The following ARHGAP24 variants were observed in gnomAD, a reference collection of about 807,000 sequenced individuals.
ARHGAP24 encodes the protein rho GTPase-activating protein 24.
ARHGAP24 carries 50 observed loss-of-function variants against 76.4 expected under a neutral mutation model. The observed-to-expected ratio is 0.65, with a 90% confidence interval of 0.52 to 0.83. The LOEUF is 0.83. ARHGAP24 is among the 40% of genes least tolerant of loss of function. The pLI, the probability that ARHGAP24 is intolerant of heterozygous loss-of-function variation, is 0.00. For synonymous variants in ARHGAP24, 345 were observed against 323.3 expected, an observed-to-expected ratio of 1.07 and a Z score of -0.72; for missense variants, 930 against 914.2, an observed-to-expected ratio of 1.02 and a Z score of -0.22.
chr4:85,733,563 A>G (rs114245848), intron 3 of ARHGAP24, among the ~76,000 whole-genome samples: 6,961 of 152,222 alleles, frequency 0.046, 211 homozygotes, highest in Non-Finnish European at 0.069. Context: ...TTGGCTTTCT[A>G]GGGCTTCCAT....
chr4:85,861,682 TA>T (rs1731904142), intron 3 of ARHGAP24, among the ~76,000 whole-genome samples: 2 of 152,140 alleles, frequency 1.3e-5, no homozygotes, highest in African/African-American at 4.8e-5. Context: ...TTTGATGTTT[TA>T]TTTTTATAAT....
At chr4:85,597,512 G>T (rs940888770) in intron 2 of ARHGAP24, among the ~76,000 whole-genome samples, 6 of 152,046 alleles carry the variant, frequency 3.9e-5, no homozygotes, top group Admixed American at 1.3e-4. Context: ...TATCCCCCAA[G>T]TCTGTCTGTG....
At chr4:85,687,513 A>G (rs1560586027) in intron 2 of ARHGAP24, among the ~76,000 whole-genome samples, 1 of 152,054 alleles carries the variant, frequency 6.6e-6, no homozygotes, top group Non-Finnish European at 1.5e-5. Flanking sequence ...AACATGTGGT[A>G]TTTGTTTTTT....
At chr4:85,526,251 A>G (rs1214342326) in intron 1 of ARHGAP24, among the ~76,000 whole-genome samples, 1 of 151,988 alleles carries the variant, frequency 6.6e-6, no homozygotes, top group Non-Finnish European at 1.5e-5. Context: ...CTCTATAAAA[A>G]TTAGCTGGGC....
intron 2 of ARHGAP24, among the ~76,000 whole-genome samples, chr4:85,710,432 G>A (rs1485372191): frequency 3.3e-5 from 5 of 151,992 alleles, no homozygotes; most frequent in Admixed American, 6.6e-5. Context: ...CAAATATTTC[G>A]TGACAGAGAC....
intron 3 of ARHGAP24, among the ~76,000 whole-genome samples, chr4:85,770,921 A>G (rs1727108161): frequency 6.6e-6 from 1 of 152,166 alleles, no homozygotes; most frequent in Non-Finnish European, 1.5e-5. Flanking sequence ...CTGAGATTTG[A>G]TTTAGTTGGG....
At chr4:85,688,687 T>A (rs888395681) in intron 2 of ARHGAP24, among the ~76,000 whole-genome samples, 1 of 152,212 alleles carries the variant, frequency 6.6e-6, no homozygotes, top group Admixed American at 6.5e-5. Flanking sequence ...CTAGGTTTTC[T>A]TTTAGGATTT....
chr4:85,485,436 A>G (rs1300210744), intron 1 of ARHGAP24, among the ~76,000 whole-genome samples: 1 of 121,390 alleles, frequency 8.2e-6, no homozygotes, highest in African/African-American at 3.1e-5. Context: ...TTTAAAATGT[A>G]GGCTTTCAGT....
Position 85,663,309 on chromosome 4 carries a change from G to T in ARHGAP24, c.181-58576G>T, listed in dbSNP as rs1344286486. The stretch of plus-strand genomic sequence containing the variant: ...TGAATGGGAGTTCACTCATGATTTG[G>T]CTCTCTGTTTGTTTGTTATTGGTGT... On this transcript the variant is annotated intron_variant, in intron 2 of 9. Transcript: ENST00000395184. Among the ~76,000 whole-genome samples, 3 of 123,876 alleles carry T rather than the reference G, an allele frequency of 2.4e-5. No individual in the cohort carries two copies. The East Asian group carries it at 5.9e-4, about 24-fold the overall frequency. The allele number at this position is 123,876 out of a possible 152,430, so 81.3% of individuals were successfully genotyped here.
At chr4:85,564,827 CCT>C (rs1688067549) in intron 1 of ARHGAP24, among the ~76,000 whole-genome samples, 1 of 146,796 alleles carries the variant, frequency 6.8e-6, no homozygotes, top group Non-Finnish European at 1.5e-5. Flanking sequence ...CTACAGCTCA[CCT>C]CCTGCTGTGT....
chr4:85,627,460 G>A (rs568286244), intron 2 of ARHGAP24, among the ~76,000 whole-genome samples: 9 of 152,226 alleles, frequency 5.9e-5, no homozygotes, highest in South Asian at 2.1e-4. Flanking sequence ...GTACCCGGCC[G>A]TGTGAGGTGT....
At chr4:85,512,467 A>G (rs1724322024) in intron 1 of ARHGAP24, among the ~76,000 whole-genome samples, 1 of 152,178 alleles carries the variant, frequency 6.6e-6, no homozygotes. Context: ...GGGCCATTAT[A>G]GTTTGTGCAC....
At chr4:85,688,145 C>T (rs1349794828) in intron 2 of ARHGAP24, among the ~76,000 whole-genome samples, 1 of 152,002 alleles carries the variant, frequency 6.6e-6, no homozygotes, top group Non-Finnish European at 1.5e-5. Context: ...TGAGAGATCT[C>T]CAAACTCCTT....
At chr4:85,487,687 T>C (rs1314843271) in intron 1 of ARHGAP24, among the ~76,000 whole-genome samples, 2 of 107,188 alleles carry the variant, frequency 1.9e-5, no homozygotes, top group African/African-American at 4.0e-5. Context: ...TATTATATTA[T>C]ATAAATATAT....
Position 85,643,233 on chromosome 4 carries a change from T to TG in ARHGAP24, c.180+72513dup, listed in dbSNP as rs1560566243. ...TTCTTTTTTATTTTCCGTTTTTTTG[T>TG]GTTTTTTTTTTTTTTTTTTTTTTTT... On this transcript the variant is annotated intron_variant, in intron 2 of 9. Transcript: ENST00000395184. Among the ~76,000 whole-genome samples, 274 of 69,718 alleles carry TG rather than the reference T, an allele frequency of 3.9e-3. 20 individuals are homozygous for TG. The highest frequency in any genetic ancestry group is 0.016 in the African/African-American group (264 of 16,282). The allele number at this position is 69,718 out of a possible 152,430, so 45.7% of individuals were successfully genotyped here. A position where few individuals can be genotyped will look rare whatever the true frequency, so the allele number is the denominator to read the frequency against.
Position 85,923,733 on chromosome 4 carries a change from G to T in ARHGAP24, c.354G>T (p.Lys118Asn). The T allele has an allele frequency of 6.2e-7, 1 of 1,614,016 alleles. No homozygotes were observed. Among genetic ancestry groups the T allele is most frequent in the African/African-American group, 1.3e-5 (1 of 75,034 alleles). Reference protein sequence around the residue: ...STQNDMEDWVKSIRRVIWGPF... With the variant: ...STQNDMEDWVNSIRRVIWGPF... The stretch of plus-strand genomic sequence containing the variant: ...AGAATGATATGGAAGACTGGGTGAA[G>T]TCAATCCGCCGAGTCATATGGGGAC... Residue 118 changes from lysine (K) to asparagine (N), a missense_variant, in exon 4 of 10, where the codon AAG (lysine) becomes AAT (asparagine). Coordinates refer to ENST00000395184, the MANE Select transcript of ARHGAP24 (RefSeq NM_001025616.3).
intron 2 of ARHGAP24, among the ~76,000 whole-genome samples, chr4:85,720,758 A>G (rs925039776): frequency 1.3e-5 from 2 of 152,222 alleles, no homozygotes; most frequent in Non-Finnish European, 2.9e-5. Context: ...AGCAAAAGAC[A>G]TTCAGACAAC....
chr4:85,724,272 A>G (rs1042197922), intron 3 of ARHGAP24, among the ~76,000 whole-genome samples: 1 of 152,260 alleles, frequency 6.6e-6, no homozygotes, highest in African/African-American at 2.4e-5. Context: ...CGGATAGCTA[A>G]CTCAAGCCTA....
chr4:85,749,847 G>T (rs376853888), intron 3 of ARHGAP24, among the ~76,000 whole-genome samples: 2 of 152,098 alleles, frequency 1.3e-5, no homozygotes, highest in Non-Finnish European at 2.9e-5. Flanking sequence ...GATTACAGGC[G>T]TGAGCCACCG....
Sources: gnomAD v4.1 joint callset for allele counts (sites outside exome capture counted in the v4.1 genomes callset) on GRCh38, gnomAD v4.1.1 for gene constraint, MANE v1.5 for transcripts, NCBI Gene and HGNC (gene_info 2026-07-23, HGNC 2026-07-21) for gene names.